FAF1: variants seen among roughly 807,000 people sequenced by gnomAD.
The protein encoded by FAF1 is FAS-associated factor 1.
In FAF1, 25 loss-of-function variants were observed where a neutral mutation model predicts 92.5. The ratio of observed to expected loss-of-function variants is 0.27; its 90% CI spans 0.20 to 0.38. The LOEUF is 0.38. Ranked by LOEUF, FAF1 falls within the 10% of genes least tolerant of loss-of-function variation. The pLI is 1.00. For synonymous variants in FAF1, 234 were observed against 273.2 expected (o/e 0.86, Z 1.42); for missense variants, 636 against 793.3 (o/e 0.80, Z 2.38).
chr1:50,632,854 G>T (rs1653852033), intron 8 of FAF1, among the ~76,000 whole-genome samples: 1 of 152,048 alleles, frequency 6.6e-6, no homozygotes, highest in South Asian at 2.1e-4. Context: ...GGCTTCTTAT[G>T]ACCTCCTCTA....
At chr1:50,758,342 C>CCA (rs1660164751) in intron 4 of FAF1, among the ~76,000 whole-genome samples, 1 of 152,236 alleles carries the variant, frequency 6.6e-6, no homozygotes, top group Non-Finnish European at 1.5e-5. Flanking sequence ...GCATAAGCCA[C>CCA]CACGCCCAGC....
chr1:50,734,875 T>G (rs1422677966), intron 6 of FAF1, among the ~76,000 whole-genome samples: 2 of 152,176 alleles, frequency 1.3e-5, no homozygotes, highest in African/African-American at 4.8e-5. Flanking sequence ...TTGTAAGTTA[T>G]CTATACATAT....
chr1:50,638,014 C>A (rs191544975), intron 8 of FAF1, among the ~76,000 whole-genome samples: 2 of 151,942 alleles, frequency 1.3e-5, no homozygotes, highest in Admixed American at 6.6e-5. Flanking sequence ...ATGTATAGAT[C>A]TTATAAATAT....
intron 2 of FAF1, among the ~76,000 whole-genome samples, chr1:50,827,171 G>A (rs184206917): frequency 0.026 from 3,907 of 152,158 alleles, 62 homozygotes; most frequent in Non-Finnish European, 0.042. Flanking sequence ...TGACGATGGC[G>A]GTTTTGTCAA....
At chr1:50,715,366 C>T (rs544206132) in intron 6 of FAF1, among the ~76,000 whole-genome samples, 4 of 152,182 alleles carry the variant, frequency 2.6e-5, no homozygotes, top group Admixed American at 6.5e-5. Flanking sequence ...ACTTAGGAGG[C>T]GGAGACAGGA....
chr1:50,772,399 A>C (rs1055653047), intron 4 of FAF1, among the ~76,000 whole-genome samples: 3 of 152,324 alleles, frequency 2.0e-5, no homozygotes, highest in East Asian at 3.9e-4. Flanking sequence ...ACATGTACTC[A>C]TATGTTCATT....
intron 4 of FAF1, among the ~76,000 whole-genome samples, chr1:50,759,713 T>G (rs1456965733): frequency 1.3e-5 from 2 of 152,220 alleles, no homozygotes; most frequent in Non-Finnish European, 2.9e-5. Context: ...TCTAGATCCC[T>G]GAGGAATTGC....
At chr1:50,814,436 A>G (rs746286303) in intron 2 of FAF1, among the ~76,000 whole-genome samples, 39 of 152,174 alleles carry the variant, frequency 2.6e-4, no homozygotes, top group Non-Finnish European at 5.1e-4. Flanking sequence ...TGTGGGTACA[A>G]TAAAATAAAA....
chr1:50,709,840 C>T (rs970716898), intron 6 of FAF1, among the ~76,000 whole-genome samples: 2 of 151,938 alleles, frequency 1.3e-5, no homozygotes, highest in African/African-American at 2.4e-5. Context: ...CAGAGAGGTT[C>T]GAAAAGATGT....
intron 6 of FAF1, among the ~76,000 whole-genome samples, chr1:50,713,933 G>A (rs1658060485): frequency 6.6e-6 from 1 of 151,120 alleles, no homozygotes; most frequent in Non-Finnish European, 1.5e-5. Flanking sequence ...ACCATGCCCA[G>A]CTAATTTTTT....
At chr1:50,526,080 A>C (rs1333185475) in intron 15 of FAF1, among the ~76,000 whole-genome samples, 1 of 152,200 alleles carries the variant, frequency 6.6e-6, no homozygotes, top group Admixed American at 6.5e-5. Context: ...GTAGAAGGTA[A>C]TTGATATCGT....
intron 1 of FAF1, among the ~76,000 whole-genome samples, chr1:50,864,489 G>C (rs552946475): frequency 2.0e-5 from 3 of 152,124 alleles, no homozygotes; most frequent in African/African-American, 7.2e-5. Flanking sequence ...TACCAAAACA[G>C]AGATATAGAT....
In FAF1 at chr1:50,933,062, C is replaced by A. The variant is rs958745925; in HGVS notation, c.45+26705G>T. On this transcript the variant is annotated intron_variant, in intron 1 of 18. Coordinates refer to ENST00000396153, the MANE Select transcript of FAF1 (RefSeq NM_007051.3). ...CTCCTGGGTCCGGCCCACAAAACCA[C>A]TTTTCCTCCTGGGCCTCCGTGCCTA... 5.9e-5 allele frequency among the ~76,000 whole-genome samples: 9 copies of A among 152,164 alleles called. 1 individual carries two copies. The highest frequency in any genetic ancestry group is 2.6e-4 in the Admixed American group (4 of 15,282).
chr1:50,508,180 C>T (rs1403407654), intron 15 of FAF1, among the ~76,000 whole-genome samples: 2 of 152,012 alleles, frequency 1.3e-5, no homozygotes, highest in Admixed American at 1.3e-4. Context: ...CTTTTTGGTT[C>T]CTCAAAAAGT....
chr1:50,886,371 T>C (rs938568114), intron 1 of FAF1, among the ~76,000 whole-genome samples: 4 of 152,194 alleles, frequency 2.6e-5, no homozygotes, highest in African/African-American at 9.6e-5. Flanking sequence ...GTCAAAGTTT[T>C]TTTCCTTCAG....
At chr1:50,576,003 C>T (rs185357484) in intron 12 of FAF1, among the ~76,000 whole-genome samples, 29 of 152,262 alleles carry the variant, frequency 1.9e-4, no homozygotes, top group African/African-American at 5.3e-4. Context: ...CACTGTTAAA[C>T]GTGAACTACT....
At chr1:50,903,526 T>C (rs1218608949) in intron 1 of FAF1, among the ~76,000 whole-genome samples, 1 of 152,120 alleles carries the variant, frequency 6.6e-6, no homozygotes, top group African/African-American at 2.4e-5. Context: ...TATGTATAAA[T>C]TAAATCACTG....
intron 1 of FAF1, among the ~76,000 whole-genome samples, chr1:50,883,766 G>C (rs1644634102): frequency 6.6e-6 from 1 of 152,200 alleles, no homozygotes; most frequent in Non-Finnish European, 1.5e-5. Flanking sequence ...GAAATTTTCA[G>C]TGTTGCCTGG....
intron 18 of FAF1, 133 bp downstream of exon 18, chr1:50,475,331 A>T (rs1646625337): frequency 1.5e-6 from 1 of 674,040 alleles, no homozygotes; most frequent in Non-Finnish European, 2.6e-6. Context: ...AATGGTGTGC[A>T]GAACAAAGAA....
Sources: allele counts gnomAD v4.1 joint callset (sites outside exome capture counted in the v4.1 genomes callset), GRCh38; gene constraint gnomAD v4.1.1; transcripts MANE v1.5; gene names NCBI Gene and HGNC (gene_info 2026-07-23, HGNC 2026-07-21).